Variants in ING5 observed in about 807,000 individuals in gnomAD.
ING5 encodes inhibitor of growth protein 5.
In ING5, 17 loss-of-function variants were observed where a neutral mutation model predicts 37.4. The observed-to-expected ratio is 0.45, with a 90% CI of 0.31 to 0.68. The LOEUF (loss-of-function observed/expected upper bound fraction) is 0.68. Ranked by LOEUF, ING5 falls within the 30% of genes least tolerant of loss-of-function variation. ING5 has a pLI of 0.05. For synonymous variants in ING5, 123 were observed against 116.6 expected (o/e 1.06, Z -0.36); for missense variants, 233 against 311.9 (o/e 0.75, Z 1.91).
chr2:241,717,709 T>G (rs1354154519), intron 5 of ING5, among the ~76,000 whole-genome samples: 2 of 150,124 alleles, frequency 1.3e-5, no homozygotes, highest in Non-Finnish European at 2.9e-5. Context: ...TTTTTTTTTT[T>G]GCTTTTAAGA....
chr2:241,723,170 A>G (rs1289495160), intron 6 of ING5, 40 bp from the exon 7 acceptor site: 3 of 1,613,692 alleles, frequency 1.9e-6, no homozygotes, highest in African/African-American at 2.7e-5. Context: ...CATACAGAAC[A>G]TGAGGCGTGT....
intron 5 of ING5, among the ~76,000 whole-genome samples, chr2:241,713,133 T>G (rs1436248511): frequency 2.6e-5 from 4 of 151,332 alleles, no homozygotes; most frequent in African/African-American, 9.7e-5. Context: ...CTCGGCTCAC[T>G]GCAACCTCTG....
rs754441621 is a variant in ING5 at position 241,724,974 on chromosome 2, C to T, written c.681-15C>T. On this transcript the variant is annotated splice_polypyrimidine_tract_variant and intron_variant, in intron 7 of 7. Transcript: ENST00000313552. ...AAATGGCGCCCAGGGCCTCACTGCGCCTTTCTTGTCACAGGTTCTGTCCAC... is the reference window on the plus strand; with the variant it reads ...AAATGGCGCCCAGGGCCTCACTGCGTCTTTCTTGTCACAGGTTCTGTCCAC... 33 of 1,613,826 alleles carry T rather than the reference C, an allele frequency of 2.0e-5. 2 individuals are homozygous for T. Among genetic ancestry groups the T allele is most frequent in the Middle Eastern group, 3.3e-4 (2 of 6,080 alleles).
chr2:241,702,051 C>T lies in ING5; in HGVS notation c.-15C>T, dbSNP rs2069743756. On this transcript the variant is annotated 5_prime_UTR_variant, in exon 1 of 8. Transcript: ENST00000313552. ...CGCCCGCCCGCGCAGACCCCGAGCG[C>T]GGCCGCGGACGAAGATGGCGACCGC... 13 of 1,385,334 alleles carry T rather than the reference C, an allele frequency of 9.4e-6. No homozygotes were observed. Among genetic ancestry groups the T allele is most frequent in the African/African-American group, 1.5e-5 (1 of 65,596 alleles). The allele number at this position is 1,385,334 out of a possible 1,614,324, so 85.8% of individuals were successfully genotyped here.
chr2:241,724,095 A>G, intron 7 of ING5: 1 of 1,312,276 alleles, frequency 7.6e-7, no homozygotes, highest in Non-Finnish European at 9.7e-7. Context: ...TGAAAATGAA[A>G]TCGGAATGTG....
chr2:241,719,695 T>C, intron 5 of ING5: 1 of 1,518,910 alleles, frequency 6.6e-7, no homozygotes, highest in Admixed American at 2.1e-5. Flanking sequence ...GGTCGGGGCT[T>C]CCTCCCTGAG....
exon 1 of ING5, chr2:241,687,173 G>A: frequency 2.5e-6 from 1 of 393,162 alleles, no homozygotes; most frequent in East Asian, 3.6e-5. Context: ...TGCCCGCCCA[G>A]CGTCGGCTCT....
At chr2:241,688,067 G>A (rs2124842676) in intron 1 of ING5, 1 of 152,312 alleles carries the variant, frequency 6.6e-6, no homozygotes, top group Admixed American at 6.5e-5. Context: ...TCTCAGGTGA[G>A]ACTTTTTGTT....
rs912229236 is a variant in ING5, at chr2:241,726,904, C to G, written c.*1873C>G. The G allele has an allele frequency of 6.6e-6, 1 of 152,224 alleles. No homozygotes were observed. Among genetic ancestry groups the G allele is most frequent in the Non-Finnish European group, 1.5e-5 (1 of 68,108 alleles). The allele number at this position is 152,224 out of a possible 1,614,324, so 9.4% of individuals were successfully genotyped here. ...CCGCCTCCCGGGTTCACGCCATTCT[C>G]CTGCCTCAGCCCCCCCGAGTAGCTG... On this transcript the variant is annotated 3_prime_UTR_variant, in exon 8 of 8. Coordinates refer to ENST00000313552, the MANE Select transcript of ING5 (RefSeq NM_032329.6).
intron 5 of ING5, chr2:241,720,272 G>A (rs1207049082): frequency 8.1e-7 from 1 of 1,229,828 alleles, no homozygotes; most frequent in Non-Finnish European, 1.0e-6. Context: ...CATCAGCACA[G>A]TGGGTATTCA....
chr2:241,701,838 C>T (rs1187377027), upstream of ING5, among the ~76,000 whole-genome samples: 2 of 151,980 alleles, frequency 1.3e-5, no homozygotes, highest in African/African-American at 4.8e-5. Context: ...GCCTCCGATC[C>T]GCTGCGGCCC....
intron 2 of ING5, among the ~76,000 whole-genome samples, chr2:241,706,043 C>G (rs573714852): frequency 6.6e-6 from 1 of 151,930 alleles, no homozygotes; most frequent in South Asian, 2.1e-4. Flanking sequence ...TTTCTGCATT[C>G]GACCCTTGTC....
chr2:241,723,844 T>C, intron 7 of ING5: 1 of 1,547,608 alleles, frequency 6.5e-7, no homozygotes, highest in Non-Finnish European at 8.8e-7. Context: ...ACCCCAACTC[T>C]ACAAAAAATA....
exon 1 of ING5, chr2:241,687,212 C>A: frequency 2.5e-6 from 1 of 396,372 alleles, no homozygotes; most frequent in Non-Finnish European, 4.5e-6. Flanking sequence ...CGCAGCGGGC[C>A]CGACTCTCAG....
chr2:241,690,449 C>G (rs1305129415), exon 2 of ING5: 1 of 393,896 alleles, frequency 2.5e-6, no homozygotes. Flanking sequence ...TAGCAGTTCT[C>G]TTGGTGTTCC....
chr2:241,723,179 G>A, intron 6 of ING5, 31 bp from the exon 7 acceptor site: 1 of 1,614,054 alleles, frequency 6.2e-7, no homozygotes, highest in Non-Finnish European at 8.5e-7. Context: ...CATGAGGCGT[G>A]TTGACTGCGG....
At position 241,720,343 on chromosome 2, in the gene ING5, T is replaced by G; in HGVS notation, c.483-2596T>G. 3 of 1,210,658 alleles carry G rather than the reference T, an allele frequency of 2.5e-6. No individual in the cohort carries two copies. In the African/African-American group the frequency reaches 4.7e-5, roughly 19 times the overall value. The allele number at this position is 1,210,658 out of a possible 1,614,324, so 75.0% of individuals were successfully genotyped here. On this transcript the variant is annotated intron_variant, in intron 5 of 7. Transcript: ENST00000313552. ...CTGCCTCAAGGCAGGTCCTGTTCCCTGCTGGGGACCCAGGCGCACGCACCA... is the reference window on the plus strand; with the variant it reads ...CTGCCTCAAGGCAGGTCCTGTTCCCGGCTGGGGACCCAGGCGCACGCACCA...
In ING5 at chr2:241,704,519, G is replaced by T. The variant is rs140619308; in HGVS notation, c.38-134G>T. 226 of 699,010 alleles carry T rather than the reference G, an allele frequency of 3.2e-4. 1 individual carries two copies. In the East Asian group the frequency reaches 6.2e-3, roughly 19 times the overall value. The allele number at this position is 699,010 out of a possible 1,614,324, so 43.3% of individuals were successfully genotyped here. On this transcript the variant is annotated intron_variant, in intron 1 of 7. Coordinates refer to ENST00000313552, the MANE Select transcript of ING5 (RefSeq NM_032329.6). ...GGAGGTGTAGGTTGCAGTGAGCCAAGATCGCACCACTGCACTCCAGCCTGG... is the reference window on the plus strand; with the variant it reads ...GGAGGTGTAGGTTGCAGTGAGCCAATATCGCACCACTGCACTCCAGCCTGG...
At position 241,725,139 on chromosome 2, in the gene ING5, C is replaced by A; in HGVS notation, c.*108C>A. ...ACCTTGTTCGGTTGATACTTAGTAA[C>A]TCCGTGGCCAGTTGAAGCGCTGGAT... On this transcript the variant is annotated 3_prime_UTR_variant, in exon 8 of 8. Transcript: ENST00000313552. The A allele has an allele frequency of 1.7e-6, 2 of 1,186,798 alleles. No individual in the cohort carries two copies. The highest frequency in any genetic ancestry group is 2.5e-6 in the Non-Finnish European group (2 of 801,490). 73.5% of individuals were successfully genotyped at this position (1,186,798 alleles called of 1,614,324 possible).
Sources: allele counts gnomAD v4.1 joint callset (sites outside exome capture counted in the v4.1 genomes callset), GRCh38; gene constraint gnomAD v4.1.1; transcripts MANE v1.5; gene names NCBI Gene and HGNC (gene_info 2026-07-23, HGNC 2026-07-21).